The following CSRNP3 variants were observed in gnomAD, a reference collection of about 807,000 sequenced individuals.
CSRNP3 encodes the protein cysteine/serine-rich nuclear protein 3.
CSRNP3 carries 12 observed loss-of-function variants against 48.0 expected under a neutral mutation model. The ratio of observed to expected loss-of-function variants is 0.25; its 90% CI spans 0.16 to 0.41. The LOEUF (loss-of-function observed/expected upper bound fraction) is 0.41. CSRNP3 is among the 10% of genes least tolerant of loss of function. The pLI is 1.00. For synonymous variants in CSRNP3, 263 were observed against 269.7 expected, an observed-to-expected ratio of 0.98 and a Z score of 0.24; for missense variants, 580 against 724.4, an observed-to-expected ratio of 0.80 and a Z score of 2.29.
At position 165,479,082 on chromosome 2, in the gene CSRNP3, T is replaced by G. The variant is rs1006345256; in HGVS notation, c.-283+9342T>G. Among the ~76,000 whole-genome samples the G allele has an allele frequency of 2.6e-5, 4 of 152,322 alleles. No homozygotes were observed. In the East Asian group the frequency reaches 7.7e-4, roughly 29 times the overall value. ...CTAGCTATAAAGAGTGTTCATAACCTACTTTTTCTGTAAAGATAATTGAAA... is the reference window on the plus strand; with the variant it reads ...CTAGCTATAAAGAGTGTTCATAACCGACTTTTTCTGTAAAGATAATTGAAA... On this transcript the variant is annotated intron_variant, in intron 1 of 6. Transcript: ENST00000651982.
chr2:165,669,878 C>T (rs1241886619), intron 5 of CSRNP3, among the ~76,000 whole-genome samples: 1 of 152,028 alleles, frequency 6.6e-6, no homozygotes, highest in Non-Finnish European at 1.5e-5. Context: ...CCTAACAGTA[C>T]AACATAGATA....
At chr2:165,520,060 C>T (rs1406781995) in intron 3 of CSRNP3, among the ~76,000 whole-genome samples, 1 of 151,670 alleles carries the variant, frequency 6.6e-6, no homozygotes, top group Non-Finnish European at 1.5e-5. Flanking sequence ...TCAATTTCAC[C>T]AGAAAGAAAA....
intron 5 of CSRNP3, among the ~76,000 whole-genome samples, chr2:165,668,432 C>A (rs1177688850): frequency 1.7e-5 from 2 of 119,142 alleles, no homozygotes; most frequent in East Asian, 2.7e-4. Flanking sequence ...GAGACAGAGT[C>A]TCGCTGTCAC....
At chr2:165,506,548 A>G (rs920698055) in intron 2 of CSRNP3, among the ~76,000 whole-genome samples, 1 of 152,144 alleles carries the variant, frequency 6.6e-6, no homozygotes, top group Non-Finnish European at 1.5e-5. Context: ...TTCGGCTCCC[A>G]GAAGGCAGCA....
At chr2:165,538,594 A>AAATG (rs892433211) in intron 3 of CSRNP3, among the ~76,000 whole-genome samples, 1 of 151,878 alleles carries the variant, frequency 6.6e-6, no homozygotes, top group Admixed American at 6.6e-5. Flanking sequence ...ATTGCTTTTG[A>AAATG]AATGAATTAT....
intron 5 of CSRNP3, among the ~76,000 whole-genome samples, chr2:165,663,268 A>G (rs1029676526): frequency 6.6e-6 from 1 of 152,206 alleles, no homozygotes; most frequent in African/African-American, 2.4e-5. Flanking sequence ...CTGATTCTTT[A>G]TTAGATGTGT....
chr2:165,571,939 A>G (rs1372475786), intron 3 of CSRNP3, among the ~76,000 whole-genome samples: 1 of 152,164 alleles, frequency 6.6e-6, no homozygotes, highest in Admixed American at 6.6e-5. Context: ...AAACACCAAG[A>G]AAAAGAAATG....
chr2:165,648,675 T>A lies in CSRNP3; in HGVS notation c.149-9086T>A, dbSNP rs145623466. On this transcript the variant is annotated intron_variant, in intron 4 of 6. Transcript: ENST00000651982. ...GTTTTTTGTAGATTACTCACAAGAA[T>A]TAGTGGGGAAGAGGAGGGGGCGTCC... Among the ~76,000 whole-genome samples, 85 of 152,106 alleles carry A rather than the reference T, an allele frequency of 5.6e-4. No individual in the cohort carries two copies. The East Asian group carries it at 7.5e-3, about 14-fold the overall frequency.
At chr2:165,595,016 G>A in intron 3 of CSRNP3, 27 bp from the exon 4 acceptor site, 1 of 1,599,784 alleles carries the variant, frequency 6.3e-7, no homozygotes, top group Middle Eastern at 1.9e-4. Context: ...ATATTTCAAT[G>A]CTCTGTTGCT....
intron 3 of CSRNP3, among the ~76,000 whole-genome samples, chr2:165,579,554 G>A (rs1685507494): frequency 6.6e-6 from 1 of 152,078 alleles, no homozygotes; most frequent in Admixed American, 6.5e-5. Context: ...TAGACTATAA[G>A]TTCTTCAATT....
intron 3 of CSRNP3, among the ~76,000 whole-genome samples, chr2:165,563,952 A>G (rs572040771): frequency 1.3e-5 from 2 of 152,088 alleles, no homozygotes; most frequent in African/African-American, 2.4e-5. Flanking sequence ...AAGTAAACTA[A>G]TTTATCATCA....
intron 3 of CSRNP3, among the ~76,000 whole-genome samples, chr2:165,536,984 G>A (rs1235764454): frequency 1.3e-5 from 2 of 151,734 alleles, no homozygotes; most frequent in East Asian, 1.9e-4. Context: ...TTCTCCAAAG[G>A]GAAATTGAAA....
At chr2:165,606,826 G>T (rs1195095008) in intron 4 of CSRNP3, among the ~76,000 whole-genome samples, 1 of 152,026 alleles carries the variant, frequency 6.6e-6, no homozygotes, top group African/African-American at 2.4e-5. Context: ...AAACACACAC[G>T]CACAGAGAGT....
In CSRNP3 at chr2:165,676,309, T is replaced by C. The variant is rs764312290; in HGVS notation, c.409-3T>C. 1.9e-6 allele frequency: 3 copies of C among 1,610,952 alleles called. No homozygotes were observed. Among genetic ancestry groups the C allele is most frequent in the Non-Finnish European group, 2.5e-6 (3 of 1,178,020 alleles). ...TCTCTTATTTGCTGCTTTGTGTTTT[T>C]AGATGACTAAGAATGGCACAGTAGA... On this transcript the variant is annotated splice_region_variant and splice_polypyrimidine_tract_variant and intron_variant, in intron 5 of 6. Coordinates refer to ENST00000651982, the MANE Select transcript of CSRNP3 (RefSeq NM_001172173.2).
intron 3 of CSRNP3, among the ~76,000 whole-genome samples, chr2:165,547,861 G>A (rs144987664): frequency 1.1e-4 from 17 of 152,104 alleles, no homozygotes; most frequent in Middle Eastern, 3.4e-3. Flanking sequence ...AAAACCACTT[G>A]CAATAATGAC....
At position 165,579,575 on chromosome 2, in the gene CSRNP3, C is replaced by T. The variant is rs532517981; in HGVS notation, c.-23-15468C>T. On this transcript the variant is annotated intron_variant, in intron 3 of 6. Coordinates refer to ENST00000651982, the MANE Select transcript of CSRNP3 (RefSeq NM_001172173.2). ...ATAAGTTCTTCAATTACAAGGGGAG[C>T]CTGGCACATAGAAAGTGTCCAAGAA... Among the ~76,000 whole-genome samples the T allele has an allele frequency of 5.3e-5, 8 of 152,252 alleles. No individual in the cohort carries two copies. The South Asian group carries it at 1.5e-3, about 28-fold the overall frequency.
At chr2:165,649,688 G>T (rs1433569047) in intron 4 of CSRNP3, among the ~76,000 whole-genome samples, 7 of 152,298 alleles carry the variant, frequency 4.6e-5, no homozygotes, top group African/African-American at 1.7e-4. Context: ...TAAAAATGAT[G>T]AGCATCACCT....
intron 1 of CSRNP3, among the ~76,000 whole-genome samples, chr2:165,479,141 A>G (rs1459156538): frequency 6.6e-6 from 1 of 152,188 alleles, no homozygotes; most frequent in Non-Finnish European, 1.5e-5. Context: ...TGTCTTTTTT[A>G]TAGCTATTAT....
intron 3 of CSRNP3, among the ~76,000 whole-genome samples, chr2:165,543,997 T>TTA (rs61375051): frequency 6.0e-4 from 90 of 150,640 alleles, no homozygotes; most frequent in Non-Finnish European, 9.9e-4. Context: ...TTTGTATATT[T>TTA]TATATATATA....
Sources: gnomAD v4.1 joint callset for allele counts (sites outside exome capture counted in the v4.1 genomes callset) on GRCh38, gnomAD v4.1.1 for gene constraint, MANE v1.5 for transcripts, NCBI Gene and HGNC (gene_info 2026-07-23, HGNC 2026-07-21) for gene names.